The following UGT1A8 variants were observed in gnomAD, a reference collection of about 807,000 sequenced individuals.
UGT1A8 encodes the protein UDP glucuronosyltransferase family 1 member A8.
In UGT1A8, 39 loss-of-function variants were observed where a neutral mutation model predicts 45.3. The observed-to-expected ratio is 0.86, with a 90% CI of 0.67 to 1.12. The LOEUF (loss-of-function observed/expected upper bound fraction) is 1.12, where lower values mean the gene tolerates loss of function less well. Among genes scored for constraint, UGT1A8 ranks in the 50% most tolerant of loss-of-function variants. The pLI is 0.00. For synonymous variants in UGT1A8, 275 were observed against 249.2 expected, an observed-to-expected ratio of 1.10 and a Z score of -0.97; for missense variants, 719 against 664.9, an observed-to-expected ratio of 1.08 and a Z score of -0.90.
At chr2:233,635,817 G>A (rs893032398) in intron 1 of UGT1A8, among the ~76,000 whole-genome samples, 9 of 151,002 alleles carry the variant, frequency 6.0e-5, no homozygotes, top group East Asian at 3.9e-4. Flanking sequence ...CAGAGTGTTC[G>A]CACAAGGACT....
intron 1 of UGT1A8, among the ~76,000 whole-genome samples, chr2:233,764,647 G>A (rs1256748841): frequency 6.6e-6 from 1 of 152,124 alleles, no homozygotes; most frequent in Non-Finnish European, 1.5e-5. Context: ...GGAAATTTAA[G>A]TAAGCCATTT....
intron 1 of UGT1A8, among the ~76,000 whole-genome samples, chr2:233,697,011 C>A (rs1017901649): frequency 6.6e-6 from 1 of 151,922 alleles, no homozygotes; most frequent in African/African-American, 2.4e-5. Flanking sequence ...CATCTATGTT[C>A]GTCAGAGATA....
chr2:233,651,281 T>G (rs531844752), intron 1 of UGT1A8, among the ~76,000 whole-genome samples: 1 of 152,168 alleles, frequency 6.6e-6, no homozygotes, highest in Non-Finnish European at 1.5e-5. Flanking sequence ...CTGAGTTCCT[T>G]GTGGCTCACA....
chr2:233,735,879 G>A (rs1213973999), intron 1 of UGT1A8, among the ~76,000 whole-genome samples: 1 of 152,086 alleles, frequency 6.6e-6, no homozygotes, highest in Non-Finnish European at 1.5e-5. Flanking sequence ...AGAGAGATCT[G>A]CTGTTAGTCT....
chr2:233,722,779 T>A (rs1468738434), intron 1 of UGT1A8, among the ~76,000 whole-genome samples: 1 of 152,134 alleles, frequency 6.6e-6, no homozygotes, highest in Non-Finnish European at 1.5e-5. Flanking sequence ...TCTGATATTG[T>A]TAATAATTTT....
intron 1 of UGT1A8, among the ~76,000 whole-genome samples, chr2:233,717,113 A>T (rs1374660753): frequency 6.6e-6 from 1 of 152,068 alleles, no homozygotes; most frequent in Admixed American, 6.6e-5. Flanking sequence ...ATAAAACACC[A>T]CTACATGGAA....
intron 1 of UGT1A8, among the ~76,000 whole-genome samples, chr2:233,733,071 A>G (rs1267535040): frequency 6.6e-6 from 1 of 152,128 alleles, no homozygotes; most frequent in African/African-American, 2.4e-5. Context: ...TCTTTGTAGC[A>G]ATTGTGAATG....
At chr2:233,763,211 A>C (rs985100909) in intron 1 of UGT1A8, among the ~76,000 whole-genome samples, 2 of 152,222 alleles carry the variant, frequency 1.3e-5, no homozygotes, top group Non-Finnish European at 2.9e-5. Context: ...AGTCAGGCTT[A>C]GGTGTGAAAA....
At chr2:233,703,893 C>A (rs7567229) in intron 1 of UGT1A8, among the ~76,000 whole-genome samples, 56,931 of 151,252 alleles carry the variant, frequency 0.38, 11,775 homozygotes, top group African/African-American at 0.55. Flanking sequence ...TCATTTTTTT[C>A]TTTTCTTTTT....
rs777725736 is a variant in UGT1A8, at chr2:233,617,659, A to G, written c.-49A>G. 3.2e-6 allele frequency: 5 copies of G among 1,581,720 alleles called. No individual in the cohort carries two copies. Among genetic ancestry groups the G allele is most frequent in the African/African-American group, 1.3e-5 (1 of 74,086 alleles). ...TGCCTGTAGTTCTTCCGCCTACTGTATCATAGCAGCTTAGAATCCCAGCTG... is the reference window on the plus strand; with the variant it reads ...TGCCTGTAGTTCTTCCGCCTACTGTGTCATAGCAGCTTAGAATCCCAGCTG... On this transcript the variant is annotated 5_prime_UTR_variant, in exon 1 of 5. Coordinates refer to ENST00000373450, the MANE Select transcript of UGT1A8 (RefSeq NM_019076.5).
At chr2:233,740,026 G>A (rs1244657367) in intron 1 of UGT1A8, among the ~76,000 whole-genome samples, 1 of 151,782 alleles carries the variant, frequency 6.6e-6, no homozygotes, top group Non-Finnish European at 1.5e-5. Flanking sequence ...GAGAGCTGAT[G>A]GTTTTATAAG....
At chr2:233,728,864 C>G (rs2077757785) in intron 1 of UGT1A8, among the ~76,000 whole-genome samples, 1 of 152,164 alleles carries the variant, frequency 6.6e-6, no homozygotes, top group African/African-American at 2.4e-5. Flanking sequence ...GAAACAAGAG[C>G]TTGAACTTGG....
intron 1 of UGT1A8, among the ~76,000 whole-genome samples, chr2:233,678,685 A>G (rs1271461775): frequency 1.3e-5 from 2 of 151,930 alleles, no homozygotes; most frequent in East Asian, 1.9e-4. Context: ...TGTAAGGCCA[A>G]TTTTTTTTCT....
rs147487099 is a variant in UGT1A8, at chr2:233,689,635, G to T, written c.855+71073G>T. Among the ~76,000 whole-genome samples, 661 of 152,290 alleles carry T rather than the reference G, an allele frequency of 4.3e-3. 6 individuals are homozygous for T. Among genetic ancestry groups the T allele is most frequent in the African/African-American group, 0.015 (631 of 41,558 alleles). ...TCGGGGTTAGCAGAAAAGAATGTTT[G>T]CTCTTGCTCATGAGTGTGACTTCCT... On this transcript the variant is annotated intron_variant, in intron 1 of 4. Transcript: ENST00000373450.
At chr2:233,665,850 G>T (rs2074066634) in intron 1 of UGT1A8, among the ~76,000 whole-genome samples, 1 of 152,182 alleles carries the variant, frequency 6.6e-6, no homozygotes, top group Non-Finnish European at 1.5e-5. Flanking sequence ...ACCTTTTTAA[G>T]AATTTGCCAG....
Position 233,718,785 on chromosome 2 carries a change from G to A in UGT1A8, c.856-48249G>A, listed in dbSNP as rs544842461. 94 of 1,613,086 alleles carry A rather than the reference G, an allele frequency of 5.8e-5. No homozygotes were observed. The East Asian group carries it at 1.3e-3, about 23-fold the overall frequency. On this transcript the variant is annotated intron_variant, in intron 1 of 4. Transcript: ENST00000373450. ...GAAACAAATGTAGCAGGCACAGCGTGGGGTGGACAGTCAGCTGTCGGTGGC... is the reference window on the plus strand; with the variant it reads ...GAAACAAATGTAGCAGGCACAGCGTAGGGTGGACAGTCAGCTGTCGGTGGC...
chr2:233,682,202 G>C (rs547107317), intron 1 of UGT1A8: 6 of 1,614,244 alleles, frequency 3.7e-6, no homozygotes, highest in Non-Finnish European at 5.1e-6. Flanking sequence ...TCAGGACCGG[G>C]AGTTCATGGT....
intron 1 of UGT1A8, among the ~76,000 whole-genome samples, chr2:233,765,604 G>C (rs986298003): frequency 6.6e-5 from 10 of 151,976 alleles, no homozygotes; most frequent in African/African-American, 2.2e-4. Context: ...CAGGGCTTGT[G>C]GCGGGGTGAG....
chr2:233,769,456 T>C lies in UGT1A8; in HGVS notation c.1295+1017T>C, dbSNP rs1699869173. On this transcript the variant is annotated intron_variant, in intron 4 of 4. Coordinates refer to ENST00000373450, the MANE Select transcript of UGT1A8 (RefSeq NM_019076.5). This position sits in a 1 kb window ranked among gnomAD's most constrained non-coding sequence, Gnocchi z 4.4. ...TCATGTGTGGGTGCACACGTGTGCA[T>C]TCATATGCGTGTGTGTGTGTGTGCG... 2 of 1,598,818 alleles carry C rather than the reference T, an allele frequency of 1.3e-6. No homozygotes were observed. The highest frequency in any genetic ancestry group is 2.2e-5 in the East Asian group (1 of 44,796).
Sources: allele counts gnomAD v4.1 joint callset (sites outside exome capture counted in the v4.1 genomes callset), GRCh38; gene constraint gnomAD v4.1.1; non-coding constraint Gnocchi (gnomAD v3.1); transcripts MANE v1.5; gene names NCBI Gene and HGNC (gene_info 2026-07-23, HGNC 2026-07-21).